Variants in OLA1 observed in about 807,000 individuals in gnomAD.
The protein encoded by OLA1 is obg-like ATPase 1.
In OLA1, 14 loss-of-function variants were observed where a neutral mutation model predicts 48.4. The observed-to-expected ratio is 0.29, with a 90% CI of 0.19 to 0.45. The LOEUF (loss-of-function observed/expected upper bound fraction) is 0.45. OLA1 is among the 20% of genes least tolerant of loss of function. The pLI is 1.00. For missense variants in OLA1, 325 were observed against 467.1 expected (o/e 0.70, Z 2.80); for synonymous variants, 127 against 150.4 (o/e 0.84, Z 1.14).
At chr2:174,222,934 G>T in intron 4 of OLA1, 99 bp downstream of exon 4, 1 of 1,260,384 alleles carries the variant, frequency 7.9e-7, no homozygotes, top group Non-Finnish European at 1.1e-6. Context: ...GTAAAGCAAA[G>T]CAATCTTCCA....
rs34621038 is a variant in OLA1 at position 174,077,321 on chromosome 2, T to TATACATAC, written c.1089+1639_1089+1646dup. Among the ~76,000 whole-genome samples the TATACATAC allele has an allele frequency of 5.2e-3, 785 of 150,748 alleles. 4 individuals carry two copies. Among genetic ancestry groups the TATACATAC allele is most frequent in the African/African-American group, 7.2e-3 (295 of 40,940 alleles). ...ATGCTGCACTGGTGTTAGAAATACA[T>TATACATAC]ATACATACATACATACATACATACA... On this transcript the variant is annotated intron_variant, in intron 10 of 10. Transcript: ENST00000284719.
At chr2:174,200,397 G>A (rs918889764) in intron 4 of OLA1, among the ~76,000 whole-genome samples, 2 of 152,062 alleles carry the variant, frequency 1.3e-5, no homozygotes, top group African/African-American at 2.4e-5. Flanking sequence ...GGATAGTTGA[G>A]TGAGAAAGAT....
At chr2:174,093,802 C>T (rs1685182152) in intron 7 of OLA1, among the ~76,000 whole-genome samples, 1 of 152,204 alleles carries the variant, frequency 6.6e-6, no homozygotes, top group Admixed American at 6.5e-5. Flanking sequence ...ACAAGATAAA[C>T]TTATATCTGG....
intron 4 of OLA1, among the ~76,000 whole-genome samples, chr2:174,190,080 T>C (rs1014245459): frequency 4.0e-5 from 6 of 150,418 alleles, no homozygotes; most frequent in Non-Finnish European, 7.5e-5. Flanking sequence ...GGTAGGCTAT[T>C]TTTCATTTAA....
intron 5 of OLA1, among the ~76,000 whole-genome samples, chr2:174,133,701 T>C (rs1384014348): frequency 1.3e-5 from 2 of 152,198 alleles, no homozygotes; most frequent in Non-Finnish European, 1.5e-5. Context: ...GGAGCATCTG[T>C]ATTTAAGGTG....
chr2:174,088,933 A>G (rs1685043795), intron 7 of OLA1, among the ~76,000 whole-genome samples: 1 of 152,156 alleles, frequency 6.6e-6, no homozygotes. Flanking sequence ...TCTTCCATAC[A>G]TGTAAGAGAC....
At chr2:174,233,703 C>T (rs1421365700) in intron 2 of OLA1, among the ~76,000 whole-genome samples, 1 of 152,166 alleles carries the variant, frequency 6.6e-6, no homozygotes, top group Non-Finnish European at 1.5e-5. Flanking sequence ...ACCATAATTT[C>T]TTTAAAAAGT....
intron 4 of OLA1, among the ~76,000 whole-genome samples, chr2:174,211,499 A>G (rs1688243047): frequency 6.6e-6 from 1 of 152,170 alleles, no homozygotes; most frequent in Admixed American, 6.5e-5. Context: ...TTAATGCAGA[A>G]CTCTAGAAAA....
At chr2:174,159,786 C>A (rs1686970402) in intron 4 of OLA1, among the ~76,000 whole-genome samples, 1 of 138,718 alleles carries the variant, frequency 7.2e-6, no homozygotes, top group African/African-American at 2.7e-5. Flanking sequence ...AGAGAACATC[C>A]AACAAAATGA....
intron 4 of OLA1, among the ~76,000 whole-genome samples, chr2:174,164,767 A>G (rs1687122869): frequency 6.6e-6 from 1 of 152,184 alleles, no homozygotes; most frequent in African/African-American, 2.4e-5. Flanking sequence ...ACTACTGCTT[A>G]GGAATTTACG....
intron 7 of OLA1, among the ~76,000 whole-genome samples, chr2:174,111,461 G>A (rs1213649194): frequency 6.6e-6 from 1 of 152,156 alleles, no homozygotes; most frequent in Non-Finnish European, 1.5e-5. Context: ...ATAGAAATTT[G>A]CCTTCCAAGG....
At chr2:174,226,954 G>A (rs1247908230) in intron 3 of OLA1, among the ~76,000 whole-genome samples, 1 of 152,138 alleles carries the variant, frequency 6.6e-6, no homozygotes, top group African/African-American at 2.4e-5. Context: ...GCCAGGCACA[G>A]TGGCATGTGC....
intron 5 of OLA1, among the ~76,000 whole-genome samples, chr2:174,130,876 T>C (rs1353632759): frequency 1.3e-5 from 2 of 152,104 alleles, no homozygotes; most frequent in Non-Finnish European, 2.9e-5. Context: ...GTTAGGAAGC[T>C]TTAACAAAGA....
intron 4 of OLA1, among the ~76,000 whole-genome samples, chr2:174,219,102 A>G (rs1688432401): frequency 6.6e-6 from 1 of 150,626 alleles, no homozygotes; most frequent in African/African-American, 2.5e-5. Context: ...GATTATAGGC[A>G]TGAGCCACCA....
intron 4 of OLA1, among the ~76,000 whole-genome samples, chr2:174,161,573 G>A (rs928826271): frequency 6.6e-6 from 1 of 151,856 alleles, no homozygotes; most frequent in Admixed American, 6.6e-5. Context: ...ACTGAGATGG[G>A]AGGACTGCTT....
intron 4 of OLA1, among the ~76,000 whole-genome samples, chr2:174,188,385 A>ATAG (rs1391849111): frequency 1.3e-5 from 2 of 151,502 alleles, no homozygotes; most frequent in African/African-American, 4.9e-5. Context: ...AATAATAATA[A>ATAG]TAATAATAAT....
chr2:174,145,601 C>CCTTA (rs1686574750), intron 4 of OLA1, among the ~76,000 whole-genome samples: 1 of 152,074 alleles, frequency 6.6e-6, no homozygotes, highest in Non-Finnish European at 1.5e-5. Context: ...ACAGAGCAAG[C>CCTTA]CTTAGTCTCA....
chr2:174,157,764 C>T (rs2105393882), intron 4 of OLA1, among the ~76,000 whole-genome samples: 1 of 152,112 alleles, frequency 6.6e-6, no homozygotes, highest in Non-Finnish European at 1.5e-5. Context: ...CCAAGAACAC[C>T]TAGTGTTATA....
intron 4 of OLA1, among the ~76,000 whole-genome samples, chr2:174,144,983 A>ATATAG (rs1558975364): frequency 2.9e-5 from 3 of 103,476 alleles, no homozygotes; most frequent in African/African-American, 1.1e-4. Flanking sequence ...TATATATATA[A>ATATAG]TCACGGAATA....
Sources: allele counts gnomAD v4.1 joint callset (sites outside exome capture counted in the v4.1 genomes callset), GRCh38; gene constraint gnomAD v4.1.1; transcripts MANE v1.5; gene names NCBI Gene and HGNC (gene_info 2026-07-23, HGNC 2026-07-21).